Variants in DHRS7B observed in about 807,000 individuals in gnomAD.
DHRS7B encodes the protein peroxisomal reductase activating PPAR-gamma.
Under a neutral mutation model 26.4 loss-of-function variants are expected in DHRS7B, and 24 were observed. That is an observed-to-expected ratio of 0.91 (90% confidence interval 0.66 to 1.28). The LOEUF (loss-of-function observed/expected upper bound fraction) is 1.28, where lower values mean the gene tolerates loss of function less well. DHRS7B is among the 50% of genes most tolerant of loss of function. The pLI, the probability that DHRS7B is intolerant of heterozygous loss-of-function variation, is 0.00. For synonymous variants in DHRS7B, 142 were observed against 166.4 expected (o/e 0.85, Z 1.13); for missense variants, 368 against 419.4 (o/e 0.88, Z 1.07).
intron 1 of DHRS7B, among the ~76,000 whole-genome samples, chr17:21,134,384 A>G (rs1203722249): frequency 3.9e-5 from 6 of 152,218 alleles, no homozygotes; most frequent in Non-Finnish European, 8.8e-5. Context: ...GATTTGTGTC[A>G]TCAAATACCT....
At chr17:21,138,075 A>AAAAAAATATATAT (rs1238830544) in intron 1 of DHRS7B, among the ~76,000 whole-genome samples, 1 of 33,228 alleles carries the variant, frequency 3.0e-5, no homozygotes, top group African/African-American at 1.4e-4. Flanking sequence ...TTAAAAAAAA[A>AAAAAAATATATAT]ATATATATAT....
chr17:21,161,179 G>C (rs944408330), intron 1 of DHRS7B, among the ~76,000 whole-genome samples: 5 of 152,130 alleles, frequency 3.3e-5, no homozygotes, highest in Admixed American at 6.6e-5. Context: ...ACTGAGAGTG[G>C]GCACTAATGT....
intron 1 of DHRS7B, among the ~76,000 whole-genome samples, chr17:21,171,126 C>T (rs1323420682): frequency 1.3e-5 from 2 of 152,208 alleles, no homozygotes; most frequent in African/African-American, 4.8e-5. Context: ...AGCGACAGCA[C>T]ATGGTGCTCA....
rs972677956 is a variant in DHRS7B, at chr17:21,140,538, A to ACACACACACACACACACACACACACACC, written c.20+13548_20+13549insACACACACACACACACACACACACACCC. Among the ~76,000 whole-genome samples, 13 of 134,844 alleles carry ACACACACACACACACACACACACACACC rather than the reference A, an allele frequency of 9.6e-5. 1 individual carries two copies. Among genetic ancestry groups the ACACACACACACACACACACACACACACC allele is most frequent in the African/African-American group, 2.0e-4 (7 of 35,612 alleles). 88.5% of individuals were successfully genotyped at this position (134,844 alleles called of 152,430 possible). ...CACACACACACACACACACACACAC[A>ACACACACACACACACACACACACACACC]CCCTGACACCCTATAGCTTTTACTT... On this transcript the variant is annotated intron_variant, in intron 1 of 6. Transcript: ENST00000395511.
intron 1 of DHRS7B, among the ~76,000 whole-genome samples, chr17:21,161,959 C>A (rs1255749535): frequency 6.6e-6 from 1 of 151,784 alleles, no homozygotes; most frequent in East Asian, 1.9e-4. Context: ...CTTTCAAAAC[C>A]TCCCTTAGAA....
chr17:21,164,030 C>CTT lies in DHRS7B; in HGVS notation c.21-7973_21-7972dup, dbSNP rs35189205. Among the ~76,000 whole-genome samples the CTT allele has an allele frequency of 1.1e-3, 111 of 96,934 alleles. 6 individuals carry two copies. Among genetic ancestry groups the CTT allele is most frequent in the Middle Eastern group, 0.014 (2 of 140 alleles). 63.6% of individuals were successfully genotyped at this position (96,934 alleles called of 152,430 possible). A position where few individuals can be genotyped will look rare whatever the true frequency, so the allele number is the denominator to read the frequency against. On this transcript the variant is annotated intron_variant, in intron 1 of 6. Coordinates refer to ENST00000395511, the MANE Select transcript of DHRS7B (RefSeq NM_015510.5). Reference sequence around the variant, plus strand: ...AGTGCAGATATTGTCAATTGTTGTGCTTTTTTTTTTTTTTTTGAGACAGGG... The same window carrying CTT: ...AGTGCAGATATTGTCAATTGTTGTGCTTTTTTTTTTTTTTTTTTGAGACAGGG...
chr17:21,135,070 A>ATTT (rs1973313416), intron 1 of DHRS7B, among the ~76,000 whole-genome samples: 1 of 152,190 alleles, frequency 6.6e-6, no homozygotes, highest in African/African-American at 2.4e-5. Context: ...CAAGACAACA[A>ATTT]TTGTCTGTGG....
At chr17:21,169,325 G>A (rs940528585) in intron 1 of DHRS7B, among the ~76,000 whole-genome samples, 21 of 152,144 alleles carry the variant, frequency 1.4e-4, no homozygotes, top group South Asian at 4.1e-4. Flanking sequence ...CTTGGGAGTC[G>A]GATTGCTGGG....
intron 1 of DHRS7B, among the ~76,000 whole-genome samples, chr17:21,157,418 T>C (rs1654238665): frequency 6.6e-6 from 1 of 152,166 alleles, no homozygotes; most frequent in African/African-American, 2.4e-5. Context: ...CAAATCAGGC[T>C]AGGCACAGTG....
At chr17:21,169,934 G>A (rs1440648018) in intron 1 of DHRS7B, among the ~76,000 whole-genome samples, 1 of 152,088 alleles carries the variant, frequency 6.6e-6, no homozygotes, top group Admixed American at 6.5e-5. Flanking sequence ...GGACAAGGCA[G>A]GGTGGTCCTA....
intron 6 of DHRS7B, 46 bp from the exon 7 acceptor site, chr17:21,190,902 C>A: frequency 6.2e-7 from 1 of 1,602,084 alleles, no homozygotes; most frequent in Non-Finnish European, 8.5e-7. Context: ...TCAAGAGGGA[C>A]CTCTGCTTCC....
chr17:21,128,977 A>G (rs1179979757), intron 1 of DHRS7B: 1 of 152,236 alleles, frequency 6.6e-6, no homozygotes, highest in East Asian at 1.9e-4. Flanking sequence ...ATCCAATGCC[A>G]TGTCACTCCA....
chr17:21,135,202 A>G (rs1292887978), intron 1 of DHRS7B, among the ~76,000 whole-genome samples: 1 of 152,220 alleles, frequency 6.6e-6, no homozygotes, highest in Non-Finnish European at 1.5e-5. Context: ...TATCAGAATT[A>G]TAGGAGTTTC....
intron 1 of DHRS7B, among the ~76,000 whole-genome samples, chr17:21,159,928 A>G (rs902986796): frequency 1.3e-5 from 2 of 151,730 alleles, no homozygotes; most frequent in East Asian, 1.9e-4. Flanking sequence ...AAACTCATCA[A>G]TGAAAAATAG....
intron 1 of DHRS7B, among the ~76,000 whole-genome samples, chr17:21,144,264 G>A (rs1407534919): frequency 6.6e-6 from 1 of 152,140 alleles, no homozygotes; most frequent in Admixed American, 6.5e-5. Flanking sequence ...AGTGCCTAGA[G>A]ATGCAGGTAG....
chr17:21,168,661 G>A (rs573715541), intron 1 of DHRS7B: 12 of 959,476 alleles, frequency 1.3e-5, no homozygotes, highest in African/African-American at 7.1e-5. Context: ...GAGGCACTGC[G>A]TTTGGCCTTG....
chr17:21,152,449 C>G (rs1313139408), intron 1 of DHRS7B, among the ~76,000 whole-genome samples: 1 of 152,196 alleles, frequency 6.6e-6, no homozygotes, highest in Admixed American at 6.5e-5. Context: ...ACCACCACAC[C>G]CAGCCCAGGT....
chr17:21,149,075 A>C (rs950890676), intron 1 of DHRS7B, among the ~76,000 whole-genome samples: 2 of 152,172 alleles, frequency 1.3e-5, no homozygotes, highest in Non-Finnish European at 2.9e-5. Context: ...AAGAAAAAAG[A>C]AGCAAATAAT....
intron 1 of DHRS7B, among the ~76,000 whole-genome samples, chr17:21,133,159 A>G (rs1033491284): frequency 6.6e-5 from 10 of 152,188 alleles, no homozygotes; most frequent in Non-Finnish European, 1.2e-4. Flanking sequence ...TGTTATTAAT[A>G]TTTTTCCTTT....
Sources: gnomAD v4.1 joint callset for allele counts (sites outside exome capture counted in the v4.1 genomes callset) on GRCh38, gnomAD v4.1.1 for gene constraint, MANE v1.5 for transcripts, NCBI Gene and HGNC (gene_info 2026-07-23, HGNC 2026-07-21) for gene names.